Variants in LYPD6 observed in about 807,000 individuals in gnomAD.
LYPD6 encodes the protein ly6/PLAUR domain-containing protein 6.
A neutral mutation model predicts 22.7 loss-of-function variants in LYPD6; 15 were observed. The ratio of observed to expected loss-of-function variants is 0.66; its 90% confidence interval spans 0.44 to 1.02. The LOEUF is 1.02. Ranked by LOEUF, LYPD6 falls within the 50% of genes least tolerant of loss-of-function variation. The probability of loss-of-function intolerance (pLI) is 0.00; values close to 1 mark genes in which losing one functional copy is unlikely to be tolerated. For synonymous variants in LYPD6, 72 were observed against 77.5 expected (o/e 0.93, Z 0.37); for missense variants, 189 against 208.4 (o/e 0.91, Z 0.57).
At chr2:149,398,751 G>A (rs865940508) in intron 1 of LYPD6, among the ~76,000 whole-genome samples, 1 of 151,972 alleles carries the variant, frequency 6.6e-6, no homozygotes, top group African/African-American at 2.4e-5. Context: ...CAACATAAGG[G>A]GACTCAGCCA....
intron 1 of LYPD6, among the ~76,000 whole-genome samples, chr2:149,354,983 T>C (rs1334970625): frequency 6.6e-6 from 1 of 152,218 alleles, no homozygotes. Context: ...CATAGAGCAC[T>C]TGTGGTGTTA....
intron 2 of LYPD6, among the ~76,000 whole-genome samples, chr2:149,446,125 G>A (rs574140512): frequency 2.6e-4 from 39 of 152,298 alleles, no homozygotes; most frequent in Admixed American, 2.2e-3. Context: ...ATAGCAGGTG[G>A]ATGGAGCAGT....
At chr2:149,348,673 T>G (rs759153884) in intron 1 of LYPD6, among the ~76,000 whole-genome samples, 12 of 152,238 alleles carry the variant, frequency 7.9e-5, no homozygotes, top group Admixed American at 2.0e-4. Context: ...CACACTATGT[T>G]GATTCTTCCC....
chr2:149,426,509 G>C (rs1209065029), intron 1 of LYPD6, among the ~76,000 whole-genome samples: 1 of 152,130 alleles, frequency 6.6e-6, no homozygotes, highest in Non-Finnish European at 1.5e-5. Flanking sequence ...TAGGCTTTGT[G>C]GTAAGGAGGA....
intron 1 of LYPD6, among the ~76,000 whole-genome samples, chr2:149,416,024 G>A (rs1408034152): frequency 3.4e-5 from 3 of 87,668 alleles, no homozygotes; most frequent in Admixed American, 2.1e-4. Context: ...TAACAATCCC[G>A]AGTCAAAGTT....
At chr2:149,342,323 G>T (rs148011770) in intron 1 of LYPD6, among the ~76,000 whole-genome samples, 1 of 151,994 alleles carries the variant, frequency 6.6e-6, no homozygotes, top group Non-Finnish European at 1.5e-5. Flanking sequence ...CATATCAGTG[G>T]GTAATTTCTA....
intron 1 of LYPD6, among the ~76,000 whole-genome samples, chr2:149,377,621 A>T (rs532337849): frequency 6.6e-4 from 101 of 152,248 alleles, no homozygotes; most frequent in African/African-American, 2.3e-3. Context: ...CTCTACTACA[A>T]ATACAAAAGT....
chr2:149,407,562 G>T (rs540540310), intron 1 of LYPD6, among the ~76,000 whole-genome samples: 13 of 152,240 alleles, frequency 8.5e-5, no homozygotes, highest in African/African-American at 2.9e-4. Flanking sequence ...CGTAGTTCTG[G>T]AGCCTTGGCT....
At chr2:149,348,055 A>G (rs1184277705) in intron 1 of LYPD6, among the ~76,000 whole-genome samples, 1 of 141,894 alleles carries the variant, frequency 7.0e-6, no homozygotes, top group Non-Finnish European at 1.5e-5. Flanking sequence ...GACTCTACTA[A>G]AAATACAAAA....
At chr2:149,343,778 AG>A (rs1232222092) in intron 1 of LYPD6, among the ~76,000 whole-genome samples, 4 of 152,210 alleles carry the variant, frequency 2.6e-5, no homozygotes, top group Admixed American at 2.6e-4. Context: ...GGTAGGTTTT[AG>A]GCCAAGCCAG....
rs192538249 is a variant in LYPD6, at chr2:149,416,002, G to A, written c.-71-21636G>A. Among the ~76,000 whole-genome samples the A allele has an allele frequency of 9.0e-3, 1,369 of 152,190 alleles. 56 individuals carry two copies. The highest frequency in any genetic ancestry group is 0.075 in the Admixed American group (1,147 of 15,278). On this transcript the variant is annotated intron_variant, in intron 1 of 4. Transcript: ENST00000334166. ...CAGCCTAACCTGTAATTCTAAGAAA[G>A]TTTGACAAAGCTAACAATCCCGAGT...
rs1253494027 is a variant in LYPD6 at position 149,400,594 on chromosome 2, G to T, written c.-71-37044G>T. Reference sequence around the variant, plus strand: ...GTTGCTAGCCATTGTAATTGTGTTAGTTCTTGACTAAATGTCGTATATAAA... The same window carrying T: ...GTTGCTAGCCATTGTAATTGTGTTATTTCTTGACTAAATGTCGTATATAAA... On this transcript the variant is annotated intron_variant, in intron 1 of 4. Coordinates refer to ENST00000334166, the MANE Select transcript of LYPD6 (RefSeq NM_194317.5). 2.0e-5 allele frequency among the ~76,000 whole-genome samples: 3 copies of T among 149,398 alleles called. No individual in the cohort carries two copies. The East Asian group carries it at 6.0e-4, about 30-fold the overall frequency.
At chr2:149,433,952 A>G (rs1683374219) in intron 1 of LYPD6, among the ~76,000 whole-genome samples, 1 of 152,170 alleles carries the variant, frequency 6.6e-6, no homozygotes, top group African/African-American at 2.4e-5. Flanking sequence ...TTGTGAAGAC[A>G]TCTCCCACCA....
intron 1 of LYPD6, among the ~76,000 whole-genome samples, chr2:149,372,827 G>A (rs947417521): frequency 6.6e-6 from 1 of 152,134 alleles, no homozygotes; most frequent in African/African-American, 2.4e-5. Flanking sequence ...TTACACAGGA[G>A]CATACAAATG....
At chr2:149,365,254 T>A (rs903276396) in intron 1 of LYPD6, among the ~76,000 whole-genome samples, 4 of 152,228 alleles carry the variant, frequency 2.6e-5, no homozygotes, top group Non-Finnish European at 5.9e-5. Context: ...GCAAAGCACC[T>A]CATGAATACT....
At chr2:149,483,862 G>C in the LYPD6 span, among the ~76,000 whole-genome samples, 1 of 152,112 alleles carries the variant, frequency 6.6e-6, no homozygotes, top group Non-Finnish European at 1.5e-5. Flanking sequence ...ATCAGTGCCA[G>C]AATAAATAAA....
chr2:149,442,692 G>C (rs1053650448), intron 2 of LYPD6, among the ~76,000 whole-genome samples: 1 of 151,090 alleles, frequency 6.6e-6, no homozygotes, highest in African/African-American at 2.4e-5. Flanking sequence ...CAATTAGCAA[G>C]TTACTGGAGA....
intron 1 of LYPD6, among the ~76,000 whole-genome samples, chr2:149,434,929 A>G (rs186499889): frequency 6.6e-6 from 1 of 152,332 alleles, no homozygotes; most frequent in East Asian, 1.9e-4. Flanking sequence ...CAAAACAACA[A>G]CAACAGAAAA....
intron 1 of LYPD6, among the ~76,000 whole-genome samples, chr2:149,377,993 C>G (rs1472789548): frequency 6.6e-6 from 1 of 152,108 alleles, no homozygotes; most frequent in Non-Finnish European, 1.5e-5. Flanking sequence ...TAGTTCCTAT[C>G]TATATATTGT....
Sources: allele counts gnomAD v4.1 joint callset (sites outside exome capture counted in the v4.1 genomes callset), GRCh38; gene constraint gnomAD v4.1.1; transcripts MANE v1.5; gene names NCBI Gene and HGNC (gene_info 2026-07-23, HGNC 2026-07-21).